BSPRY: variants seen among roughly 807,000 people sequenced by gnomAD.
The protein encoded by BSPRY is B-box and SPRY domain containing, also known as B box and SPRY domain-containing protein.
BSPRY carries 33 observed loss-of-function variants against 38.0 expected under a neutral mutation model. That is an observed-to-expected ratio of 0.87 (90% CI 0.66 to 1.16). BSPRY has a LOEUF of 1.16. Ranked by LOEUF, BSPRY falls within the 50% of genes most tolerant of loss-of-function variation. BSPRY has a pLI of 0.00. For synonymous variants in BSPRY, 224 were observed against 228.5 expected (o/e 0.98, Z 0.18); for missense variants, 523 against 533.2 (o/e 0.98, Z 0.19).
rs553041594 is a variant in BSPRY at position 113,354,188 on chromosome 9, G to A, written c.202-52G>A. ...CAGGAGAAAATCACTGGGATGGAGT[G>A]AATGGCTCAGGTACATGGACCAAGA... On this transcript the variant is annotated intron_variant, in intron 1 of 5. Transcript: ENST00000374183. 543 of 1,471,744 alleles carry A rather than the reference G, an allele frequency of 3.7e-4. 1 individual carries two copies. Among genetic ancestry groups the A allele is most frequent in the Non-Finnish European group, 4.9e-4 (513 of 1,052,460 alleles). 91.2% of individuals were successfully genotyped at this position (1,471,744 alleles called of 1,614,324 possible).
intron 1 of BSPRY, 64 bp downstream of exon 1, chr9:113,349,844 C>A (rs1266212058): frequency 8.3e-7 from 1 of 1,205,956 alleles, no homozygotes; most frequent in African/African-American, 1.6e-5. Flanking sequence ...TGGCGGGACC[C>A]GGCAGGGACT....
chr9:113,357,881 G>T (rs1477459510), intron 2 of BSPRY, among the ~76,000 whole-genome samples: 1 of 108,004 alleles, frequency 9.3e-6, no homozygotes, highest in Non-Finnish European at 1.9e-5. Context: ...CTGGCCTGTA[G>T]AGTTCTATAT....
At position 113,354,347 on chromosome 9, in the gene BSPRY, T is replaced by C. The variant is rs573475250; in HGVS notation, c.300+9T>C. 280 of 1,608,512 alleles carry C rather than the reference T, an allele frequency of 1.7e-4. 1 individual carries two copies. The African/African-American group carries it at 3.5e-3, about 20-fold the overall frequency. ...AGAATCAAAGAGCAGTGGTAATTCC[T>C]CTTCTTTCCTCTCTACTCAGCCCCC... On this transcript the variant is annotated intron_variant, in intron 2 of 5. Coordinates refer to ENST00000374183, the MANE Select transcript of BSPRY (RefSeq NM_017688.3).
rs1233769825 is a variant in BSPRY, at chr9:113,370,926, G to T, written c.*784G>T. The T allele has an allele frequency of 6.6e-6, 1 of 152,222 alleles. No individual in the cohort carries two copies. Among genetic ancestry groups the T allele is most frequent in the Non-Finnish European group, 1.5e-5 (1 of 68,046 alleles). The allele number at this position is 152,222 out of a possible 1,614,324, so 9.4% of individuals were successfully genotyped here. On this transcript the variant is annotated 3_prime_UTR_variant, in exon 6 of 6. Coordinates refer to ENST00000374183, the MANE Select transcript of BSPRY (RefSeq NM_017688.3). This position sits in a 1 kb window ranked among gnomAD's most constrained non-coding sequence, Gnocchi z 4.8. The stretch of plus-strand genomic sequence containing the variant: ...CCTGAAAGGCTGCTCCTGGCCAGAG[G>T]ACTCTGTCCCGGGGGACCGTGTCCT...
chr9:113,357,876 C>G (rs1446539437), intron 2 of BSPRY, among the ~76,000 whole-genome samples: 1 of 113,390 alleles, frequency 8.8e-6, no homozygotes, highest in African/African-American at 3.1e-5. Flanking sequence ...TGTGCCTGGC[C>G]TGTAGAGTTC....
rs1336939802 is a variant in BSPRY, at chr9:113,370,993, T to C, written c.*851T>C. On this transcript the variant is annotated 3_prime_UTR_variant, in exon 6 of 6. Coordinates refer to ENST00000374183, the MANE Select transcript of BSPRY (RefSeq NM_017688.3). This position sits in a 1 kb window ranked among gnomAD's most constrained non-coding sequence, Gnocchi z 4.8. ...AGGCCCTCAGAGGACCAGGGGATCATGTCTCCAGGTAACCCGACTGTAGCC... is the reference window on the plus strand; with the variant it reads ...AGGCCCTCAGAGGACCAGGGGATCACGTCTCCAGGTAACCCGACTGTAGCC... 6.6e-6 allele frequency: 1 copy of C among 152,248 alleles called. No individual in the cohort carries two copies. The highest frequency in any genetic ancestry group is 1.5e-5 in the Non-Finnish European group (1 of 68,066). The allele number at this position is 152,248 out of a possible 1,614,324, so 9.4% of individuals were successfully genotyped here. A position where few individuals can be genotyped will look rare whatever the true frequency, so the allele number is the denominator to read the frequency against.
At position 113,349,787 on chromosome 9, in the gene BSPRY, G is replaced by C; in HGVS notation, c.201+7G>C. 8.1e-7 allele frequency: 1 copy of C among 1,228,362 alleles called. No homozygotes were observed. The highest frequency in any genetic ancestry group is 1.0e-6 in the Non-Finnish European group (1 of 985,656). The allele number at this position is 1,228,362 out of a possible 1,614,324, so 76.1% of individuals were successfully genotyped here. ...GCGCGCCGAGGAGCTGCGGGTGAGC[G>C]GGTGTGGGCGCCGGAAGGCGAGGGC... On this transcript the variant is annotated splice_region_variant and intron_variant, in intron 1 of 5. Coordinates refer to ENST00000374183, the MANE Select transcript of BSPRY (RefSeq NM_017688.3).
Position 113,349,572 on chromosome 9 carries a change from G to C in BSPRY, c.-8G>C. ...GACAGGTGGAGCGCACGGGGCGGGCGCACGGCCATGTCCGCCGAGGGCGCG... is the reference window on the plus strand; with the variant it reads ...GACAGGTGGAGCGCACGGGGCGGGCCCACGGCCATGTCCGCCGAGGGCGCG... On this transcript the variant is annotated 5_prime_UTR_variant, in exon 1 of 6. Coordinates refer to ENST00000374183, the MANE Select transcript of BSPRY (RefSeq NM_017688.3). 8.7e-7 allele frequency: 1 copy of C among 1,153,020 alleles called. No homozygotes were observed. The highest frequency in any genetic ancestry group is 1.1e-6 in the Non-Finnish European group (1 of 938,374). The allele number at this position is 1,153,020 out of a possible 1,614,324, so 71.4% of individuals were successfully genotyped here.
intron 4 of BSPRY, among the ~76,000 whole-genome samples, chr9:113,365,615 T>G (rs1179740163): frequency 2.0e-5 from 3 of 152,058 alleles, no homozygotes; most frequent in Non-Finnish European, 4.4e-5. Context: ...TTGTTTTTAG[T>G]GGAGAATGAT....
rs148509761 is a variant in BSPRY at position 113,370,282 on chromosome 9, T to C, written c.*140T>C. 3.8e-6 allele frequency: 4 copies of C among 1,046,482 alleles called. No homozygotes were observed. The East Asian group carries it at 1.1e-4, about 28-fold the overall frequency. 64.8% of individuals were successfully genotyped at this position (1,046,482 alleles called of 1,614,324 possible). A position where few individuals can be genotyped will look rare whatever the true frequency, so the allele number is the denominator to read the frequency against. On this transcript the variant is annotated 3_prime_UTR_variant, in exon 6 of 6. Transcript: ENST00000374183. The surrounding 1 kb of genome is among the most constrained non-coding windows in gnomAD (Gnocchi z 4.8). ...AACCAGTGGGCAGCTTTAGGAGGGA[T>C]GGGGATCTGTTTCAGATCTAGGCAT...
intron 4 of BSPRY, among the ~76,000 whole-genome samples, chr9:113,366,670 G>A (rs1030951713): frequency 2.6e-5 from 4 of 152,206 alleles, no homozygotes; most frequent in African/African-American, 9.7e-5. Flanking sequence ...GCTTAGCACC[G>A]CTGACATCAG....
rs745322208 is a variant in BSPRY at position 113,360,640 on chromosome 9, C to T, written c.434C>T (p.Thr145Ile). The T allele has an allele frequency of 4.3e-6, 7 of 1,609,304 alleles. No homozygotes were observed. Among genetic ancestry groups the T allele is most frequent in the African/African-American group, 4.0e-5 (3 of 74,854 alleles). ...GAGCGGGCCCACCAGAGCATCCTGA[C>T]ACAGCGGGTGCACTGGGCCGAGGCG... ...EEERAHQSIL[T>I]QRVHWAEALQ... The change falls in exon 3 of 6, where the codon ACA becomes ATA. Residue 145 changes from threonine (T) to isoleucine (I), a missense_variant. Transcript: ENST00000374183.
chr9:113,350,047 A>C (rs961461410), intron 1 of BSPRY, among the ~76,000 whole-genome samples: 2 of 152,172 alleles, frequency 1.3e-5, no homozygotes, highest in African/African-American at 4.8e-5. Context: ...CAACAACAAT[A>C]ATAATAGCGC....
Position 113,370,170 on chromosome 9 carries a change from C to T in BSPRY, c.*28C>T, listed in dbSNP as rs777007565. ...TCTGGCCACAGGAAGCCAGGTCCAC[C>T]GCCCACCACCCTTTCAGGCCATGTT... On this transcript the variant is annotated 3_prime_UTR_variant, in exon 6 of 6. Coordinates refer to ENST00000374183, the MANE Select transcript of BSPRY (RefSeq NM_017688.3). This position sits in a 1 kb window ranked among gnomAD's most constrained non-coding sequence, Gnocchi z 4.8. 5.8e-5 allele frequency: 89 copies of T among 1,523,540 alleles called. No individual in the cohort carries two copies. The highest frequency in any genetic ancestry group is 1.1e-4 in the East Asian group (5 of 44,042). The allele number at this position is 1,523,540 out of a possible 1,614,324, so 94.4% of individuals were successfully genotyped here.
intron 1 of BSPRY, among the ~76,000 whole-genome samples, chr9:113,351,481 G>A (rs1833970159): frequency 1.3e-5 from 2 of 152,204 alleles, no homozygotes; most frequent in Admixed American, 6.5e-5. Flanking sequence ...GGTGCATGGT[G>A]ATCACAGCTT....
At chr9:113,349,810 G>A in intron 1 of BSPRY, 30 bp downstream of exon 1, 1 of 1,218,544 alleles carries the variant, frequency 8.2e-7, no homozygotes, top group South Asian at 3.8e-5. Flanking sequence ...GGAAGGCGAG[G>A]GCTCCGGAGA....
chr9:113,369,791 T>A lies in BSPRY; in HGVS notation c.858T>A (p.His286Gln). ...CCACCTCCTTCCAGAATGGGCTCCA[T>A]GCCTGGATGGTGAATGTCCAGAACA... The part of the protein sequence containing the change: ...LAATSFQNGL[H>Q]AWMVNVQNSC... The change falls in exon 6 of 6, where the codon CAT becomes CAA. Residue 286 changes from histidine (H) to glutamine (Q), a missense_variant. Coordinates refer to ENST00000374183, the MANE Select transcript of BSPRY (RefSeq NM_017688.3). The A allele has an allele frequency of 6.2e-7, 1 of 1,614,240 alleles. No homozygotes were observed. Among genetic ancestry groups the A allele is most frequent in the Non-Finnish European group, 8.5e-7 (1 of 1,180,034 alleles).
chr9:113,368,091 T>C (rs7854353), intron 4 of BSPRY, among the ~76,000 whole-genome samples, 168 bp from the exon 5 acceptor site: 109,906 of 151,986 alleles, frequency 0.72, 40,057 homozygotes, highest in East Asian at 0.98. Context: ...CATCAGGCCT[T>C]CCAAAGTGCT....
Position 113,354,240 on chromosome 9 carries a change from A to C in BSPRY, c.202A>C (p.Asn68His), listed in dbSNP as rs887563192. 3.7e-6 allele frequency: 6 copies of C among 1,613,862 alleles called. No homozygotes were observed. Among genetic ancestry groups the C allele is most frequent in the Non-Finnish European group, 5.1e-6 (6 of 1,179,856 alleles). Reference protein sequence around the residue: ...RAEERAEELRNKIVDQCERLQ... With the variant: ...RAEERAEELRHKIVDQCERLQ... ...GCCACAAGCGTTGTTTGTGTTGCAG[A>C]ACAAGATTGTGGACCAGTGTGAGAG... Residue 68 changes from asparagine to histidine, a missense_variant and splice_region_variant, in exon 2 of 6, where the codon AAC (asparagine) becomes CAC (histidine). Coordinates refer to ENST00000374183, the MANE Select transcript of BSPRY (RefSeq NM_017688.3).
Sources: allele counts gnomAD v4.1 joint callset (sites outside exome capture counted in the v4.1 genomes callset), GRCh38; gene constraint gnomAD v4.1.1; non-coding constraint Gnocchi (gnomAD v3.1); transcripts MANE v1.5; gene names NCBI Gene and HGNC (gene_info 2026-07-23, HGNC 2026-07-21).